EXTL3: variants seen among roughly 807,000 people sequenced by gnomAD.
EXTL3 encodes exostosin like glycosyltransferase 3, also known as exostosin-like 3.
Under a neutral mutation model 69.3 loss-of-function variants are expected in EXTL3, and 27 were observed. The observed-to-expected ratio is 0.39, with a 90% confidence interval of 0.29 to 0.54. EXTL3 has a LOEUF of 0.54. Among genes scored for constraint, EXTL3 ranks in the 20% least tolerant of loss-of-function variants. The probability of loss-of-function intolerance (pLI) is 0.69; values close to 1 mark genes in which losing one functional copy is unlikely to be tolerated. For synonymous variants in EXTL3, 511 were observed against 499.4 expected, an observed-to-expected ratio of 1.02 and a Z score of -0.31; for missense variants, 1,003 against 1,231.8, an observed-to-expected ratio of 0.81 and a Z score of 2.78.
Position 28,750,440 on chromosome 8 carries a change from A to G in EXTL3, c.2551-217A>G, listed in dbSNP as rs1006554602. The stretch of plus-strand genomic sequence containing the variant: ...AAGGCTTTTGGCATCTGAGAAGCGT[A>G]GGCCATCTCAACAGAATACCTGACA... On this transcript the variant is annotated intron_variant, in intron 6 of 6. Coordinates refer to ENST00000220562, the MANE Select transcript of EXTL3 (RefSeq NM_001440.4). The surrounding 1 kb of genome is among the most constrained non-coding windows in gnomAD (Gnocchi z 5.2). 6.6e-6 allele frequency among the ~76,000 whole-genome samples: 1 copy of G among 152,248 alleles called. No individual in the cohort carries two copies. Among genetic ancestry groups the G allele is most frequent in the Non-Finnish European group, 1.5e-5 (1 of 68,038 alleles).
intron 1 of EXTL3, among the ~76,000 whole-genome samples, chr8:28,670,205 T>G (rs1400134086): frequency 2.0e-3 from 1 of 512 alleles, no homozygotes; most frequent in Non-Finnish European, 3.9e-3. Flanking sequence ...TGAGACTCTG[T>G]CTCAAAAAAA....
At chr8:28,626,923 C>T (rs1320237911) in intron 1 of EXTL3, among the ~76,000 whole-genome samples, 2 of 152,258 alleles carry the variant, frequency 1.3e-5, no homozygotes, top group African/African-American at 4.8e-5. Context: ...TGGCTCATGC[C>T]TGTAATGCCA....
Position 28,743,731 on chromosome 8 carries a change from G to A in EXTL3, c.2550+517G>A, listed in dbSNP as rs540748902. 2.6e-5 allele frequency among the ~76,000 whole-genome samples: 4 copies of A among 152,176 alleles called. No homozygotes were observed. The East Asian group carries it at 5.8e-4, about 22-fold the overall frequency. On this transcript the variant is annotated intron_variant, in intron 6 of 6. Coordinates refer to ENST00000220562, the MANE Select transcript of EXTL3 (RefSeq NM_001440.4). Reference sequence around the variant, plus strand: ...ATGTCACTGTGTTTTACTGTAACTCGTTTCCTTTGTCATCCTGTGTATTGT... The same window carrying A: ...ATGTCACTGTGTTTTACTGTAACTCATTTCCTTTGTCATCCTGTGTATTGT...
In EXTL3 at chr8:28,755,398, T is replaced by C. The variant is rs1802099695; in HGVS notation, c.*4532T>C. On this transcript the variant is annotated 3_prime_UTR_variant, in exon 7 of 7. Coordinates refer to ENST00000220562, the MANE Select transcript of EXTL3 (RefSeq NM_001440.4). ...GCTTTGACAAAGTGAAGAGGGTCAC[T>C]TAGAAATCACAGCTTAGGCAAATTG... is the stretch of plus-strand genomic sequence containing the variant. 1 of 152,398 alleles carries C rather than the reference T, an allele frequency of 6.6e-6. No homozygotes were observed. The allele number at this position is 152,398 out of a possible 1,614,324, so 9.4% of individuals were successfully genotyped here. A position where few individuals can be genotyped will look rare whatever the true frequency, so the allele number is the denominator to read the frequency against.
Position 28,646,626 on chromosome 8 carries a change from G to A in EXTL3, c.-53+23816G>A, listed in dbSNP as rs986187832. Among the ~76,000 whole-genome samples the A allele has an allele frequency of 3.9e-5, 6 of 152,166 alleles. 1 individual carries two copies. In the South Asian group the frequency reaches 1.2e-3, roughly 32 times the overall value. The stretch of plus-strand genomic sequence containing the variant: ...TTACCTTGTAACTTCCAGTGTAACT[G>A]CTACGCACATTCACTAAATTGTTAA... On this transcript the variant is annotated intron_variant, in intron 1 of 6. Coordinates refer to the EXTL3 transcript ENST00000523149.
At chr8:28,641,131 A>G (rs1806736187) in intron 1 of EXTL3, among the ~76,000 whole-genome samples, 1 of 152,192 alleles carries the variant, frequency 6.6e-6, no homozygotes, top group African/African-American at 2.4e-5. Flanking sequence ...ATTGCTCACA[A>G]AGAGCCAGAT....
chr8:28,742,575 G>A (rs1471846689), intron 5 of EXTL3: 7 of 194,132 alleles, frequency 3.6e-5, no homozygotes, highest in Non-Finnish European at 7.5e-5. Flanking sequence ...CCAGGCAAGA[G>A]ACGAAGGTGG....
chr8:28,691,848 G>A (rs896931884), intron 1 of EXTL3, among the ~76,000 whole-genome samples: 3 of 151,554 alleles, frequency 2.0e-5, no homozygotes, highest in African/African-American at 7.3e-5. Flanking sequence ...GGTGTGCCGA[G>A]ATCACACTGT....
chr8:28,699,944 C>T (rs1336455932), upstream of EXTL3: 4 of 152,166 alleles, frequency 2.6e-5, no homozygotes, highest in African/African-American at 9.7e-5. Context: ...TGAACCAAGG[C>T]CTGGTAGTTC....
chr8:28,735,395 A>T (rs1487554344), intron 4 of EXTL3, among the ~76,000 whole-genome samples: 1 of 152,218 alleles, frequency 6.6e-6, no homozygotes, highest in African/African-American at 2.4e-5. Context: ...TGGCATTAAC[A>T]TAGCTTCCAA....
chr8:28,660,679 T>C (rs1807093737), intron 1 of EXTL3, among the ~76,000 whole-genome samples: 1 of 152,066 alleles, frequency 6.6e-6, no homozygotes, highest in African/African-American at 2.4e-5. Context: ...ACTGAAACTC[T>C]GTACCCACTA....
intron 1 of EXTL3, among the ~76,000 whole-genome samples, chr8:28,671,100 C>T (rs770422753): frequency 4.0e-5 from 6 of 151,828 alleles, no homozygotes; most frequent in Non-Finnish European, 7.4e-5. Flanking sequence ...CCTGCCTCTG[C>T]CTCGCCAGTA....
intron 5 of EXTL3, chr8:28,742,777 T>A: frequency 2.8e-6 from 1 of 354,932 alleles, no homozygotes; most frequent in East Asian, 6.5e-5. Context: ...TAGTGTTCAA[T>A]TGAACCAGCA....
At position 28,674,567 on chromosome 8, in the gene EXTL3, A is replaced by G. The variant is rs145248330; in HGVS notation, c.-52-38890A>G. Among the ~76,000 whole-genome samples, 648 of 152,330 alleles carry G rather than the reference A, an allele frequency of 4.3e-3. 3 individuals are homozygous for G. The highest frequency in any genetic ancestry group is 0.014 in the African/African-American group (573 of 41,568). On this transcript the variant is annotated intron_variant, in intron 1 of 6. Transcript: ENST00000523149. Reference sequence around the variant, plus strand: ...TTATTTACTGTACAGAAGGGCGGAAATTGCTGAAAGTCAAATGCAGAACCT... The same window carrying G: ...TTATTTACTGTACAGAAGGGCGGAAGTTGCTGAAAGTCAAATGCAGAACCT...
intron 1 of EXTL3, among the ~76,000 whole-genome samples, chr8:28,694,324 C>A (rs1400960092): frequency 1.9e-4 from 29 of 152,322 alleles, no homozygotes; most frequent in Admixed American, 1.9e-3. Flanking sequence ...GCTTGTATAC[C>A]TCAAACGATA....
chr8:28,697,868 T>A (rs1186040351), upstream of EXTL3: 1 of 152,100 alleles, frequency 6.6e-6, no homozygotes, highest in East Asian at 1.9e-4. Context: ...ACATGACTGT[T>A]AAACAACAAA....
At chr8:28,738,624 G>C (rs1320475768) in intron 5 of EXTL3, among the ~76,000 whole-genome samples, 2 of 152,098 alleles carry the variant, frequency 1.3e-5, no homozygotes, top group African/African-American at 2.4e-5. Flanking sequence ...TACCCCCACT[G>C]CCCACCACAC....
chr8:28,690,074 G>T (rs780674600), intron 1 of EXTL3, among the ~76,000 whole-genome samples: 1 of 152,042 alleles, frequency 6.6e-6, no homozygotes, highest in Non-Finnish European at 1.5e-5. Context: ...GCTGAAATAG[G>T]ATAAAAGGGT....
At chr8:28,686,800 G>A (rs139381561) in intron 1 of EXTL3, among the ~76,000 whole-genome samples, 5 of 152,262 alleles carry the variant, frequency 3.3e-5, no homozygotes, top group Admixed American at 6.5e-5. Flanking sequence ...GGGATGCAGC[G>A]GAATGTTTGT....
Sources: allele counts gnomAD v4.1 joint callset (sites outside exome capture counted in the v4.1 genomes callset), GRCh38; gene constraint gnomAD v4.1.1; non-coding constraint Gnocchi (gnomAD v3.1); transcripts MANE v1.5; gene names NCBI Gene and HGNC (gene_info 2026-07-23, HGNC 2026-07-21).